NARF: variants seen among roughly 807,000 people sequenced by gnomAD.
The protein encoded by NARF is nuclear prelamin A recognition factor.
In NARF, 41 loss-of-function variants were observed where a neutral mutation model predicts 48.0. The ratio of observed to expected loss-of-function variants is 0.85; its 90% CI spans 0.66 to 1.11. NARF has a LOEUF of 1.11. NARF is among the 50% of genes least tolerant of loss of function. NARF has a pLI of 0.00. For missense variants in NARF, 613 were observed against 590.2 expected, an observed-to-expected ratio of 1.04 and a Z score of -0.40; for synonymous variants, 215 against 225.5, an observed-to-expected ratio of 0.95 and a Z score of 0.42.
chr17:82,467,204 G>A (rs1306472097), intron 3 of NARF, among the ~76,000 whole-genome samples: 1 of 151,634 alleles, frequency 6.6e-6, no homozygotes, highest in Non-Finnish European at 1.5e-5. Flanking sequence ...ACACCACCAT[G>A]TCTGGCTAGC....
intron 6 of NARF, 87 bp downstream of exon 6, chr17:82,479,005 C>A: frequency 7.7e-7 from 1 of 1,298,938 alleles, no homozygotes; most frequent in Non-Finnish European, 1.1e-6. Flanking sequence ...CCCCATCTGT[C>A]CAGCGTGGTC....
intron 8 of NARF, chr17:82,484,500 T>C: frequency 4.5e-6 from 1 of 222,404 alleles, no homozygotes; most frequent in Non-Finnish European, 8.9e-6. Context: ...GCCACTGCAC[T>C]CCAGCCTGAG....
intron 2 of NARF, among the ~76,000 whole-genome samples, chr17:82,461,713 G>A (rs2043444296): frequency 6.6e-6 from 1 of 152,230 alleles, no homozygotes; most frequent in Admixed American, 6.5e-5. Context: ...GAAGGGTGTT[G>A]GGAGAGGTTA....
chr17:82,484,968 C>T lies in NARF; in HGVS notation c.971+18C>T, dbSNP rs1414797611. 3.2e-6 allele frequency: 5 copies of T among 1,586,996 alleles called. No individual in the cohort carries two copies. The highest frequency in any genetic ancestry group is 3.4e-6 in the Non-Finnish European group (4 of 1,165,814). ...GCCCTGAGGTGTGGGGCAGTATCCA[C>T]AGCCTGTCTGTGCCTGTGGTTAGCA... is the stretch of plus-strand genomic sequence containing the variant. On this transcript the variant is annotated intron_variant, in intron 9 of 10. Coordinates refer to ENST00000309794, the MANE Select transcript of NARF (RefSeq NM_012336.4).
At chr17:82,479,461 C>T (rs560372536) in intron 6 of NARF, among the ~76,000 whole-genome samples, 4 of 152,330 alleles carry the variant, frequency 2.6e-5, no homozygotes, top group Non-Finnish European at 4.4e-5. Flanking sequence ...GAGGCTCCTG[C>T]GTGCCCCCTG....
intron 4 of NARF, among the ~76,000 whole-genome samples, chr17:82,471,674 C>T (rs559025927): frequency 1.4e-5 from 2 of 147,660 alleles, no homozygotes; most frequent in East Asian, 4.1e-4. Context: ...CGCCTGTAGT[C>T]CCAGCTACTC....
intron 6 of NARF, chr17:82,480,576 TG>T (rs1432773295): frequency 1.2e-5 from 5 of 406,716 alleles, no homozygotes; most frequent in African/African-American, 1.0e-4. Flanking sequence ...GAGCCAGATG[TG>T]GCTACAGCAC....
intron 5 of NARF, chr17:82,476,635 G>A (rs997406186): frequency 4.6e-5 from 7 of 151,922 alleles, no homozygotes; most frequent in African/African-American, 9.7e-5. Context: ...ATAGAGACAC[G>A]GTTTCACTTT....
intron 7 of NARF, among the ~76,000 whole-genome samples, chr17:82,481,623 G>C (rs147883404): frequency 2.0e-5 from 3 of 151,992 alleles, no homozygotes; most frequent in Non-Finnish European, 4.4e-5. Context: ...CCAGCTGCTC[G>C]GGAGGCTGAG....
chr17:82,461,441 A>G (rs1360315191), intron 2 of NARF, among the ~76,000 whole-genome samples: 3 of 152,090 alleles, frequency 2.0e-5, no homozygotes, highest in African/African-American at 7.2e-5. Flanking sequence ...GATAAACCCC[A>G]TCTCTACTAA....
chr17:82,482,154 C>T (rs182821775), intron 7 of NARF: 185 of 323,096 alleles, frequency 5.7e-4, no homozygotes, highest in Middle Eastern at 1.3e-3. Context: ...AAACAGGTCC[C>T]TGCAGGTATT....
At position 82,464,399 on chromosome 17, in the gene NARF, A is replaced by T. The variant is rs2043511526; in HGVS notation, c.221A>T (p.Lys74Met). The change falls in exon 3 of 11, where the codon AAG becomes ATG. Residue 74 changes from lysine (K) to methionine (M), a missense_variant. Coordinates refer to ENST00000309794, the MANE Select transcript of NARF (RefSeq NM_012336.4). Reference protein sequence around the residue: ...EGVQLSQQNAKDFFRVLNLNK... With the variant: ...EGVQLSQQNAMDFFRVLNLNK... ...GTCCAACTTTCCCAGCAAAATGCCA[A>T]GGACTTCTTCCGCGTTCTGAACCTT... 6.2e-7 allele frequency: 1 copy of T among 1,613,864 alleles called. No individual in the cohort carries two copies. Among genetic ancestry groups the T allele is most frequent in the Admixed American group, 1.7e-5 (1 of 59,958 alleles).
intron 2 of NARF, among the ~76,000 whole-genome samples, chr17:82,462,180 T>C (rs1032377074): frequency 2.6e-5 from 4 of 152,152 alleles, no homozygotes; most frequent in Admixed American, 6.5e-5. Context: ...AGGTCAGTGA[T>C]GGACACAGGG....
In NARF at chr17:82,464,396, C is replaced by T; in HGVS notation, c.218C>T (p.Ala73Val). 1.2e-6 allele frequency: 2 copies of T among 1,613,908 alleles called. No homozygotes were observed. Among genetic ancestry groups the T allele is most frequent in the Non-Finnish European group, 1.7e-6 (2 of 1,179,886 alleles). Residue 73 changes from alanine to valine, a missense_variant, in exon 3 of 11, where the codon GCC becomes GTC. Transcript: ENST00000309794. ...EEGVQLSQQN[A>V]KDFFRVLNLN... Reference sequence around the variant, plus strand: ...GGAGTCCAACTTTCCCAGCAAAATGCCAAGGACTTCTTCCGCGTTCTGAAC... The same window carrying T: ...GGAGTCCAACTTTCCCAGCAAAATGTCAAGGACTTCTTCCGCGTTCTGAAC...
Position 82,468,749 on chromosome 17 carries a change from T to C in NARF, c.253-15T>C. 2 of 1,612,950 alleles carry C rather than the reference T, an allele frequency of 1.2e-6. No homozygotes were observed. Among genetic ancestry groups the C allele is most frequent in the African/African-American group, 1.3e-5 (1 of 75,046 alleles). On this transcript the variant is annotated splice_polypyrimidine_tract_variant and intron_variant, in intron 3 of 10. Transcript: ENST00000309794. ...TAATCAGCAGATACCTAACATTCTC[T>C]ATTTCTCCTTCTAGAAATGTGATAC...
Position 82,464,492 on chromosome 17 carries a change from C to T in NARF, c.252+62C>T, listed in dbSNP as rs980943392. On this transcript the variant is annotated intron_variant, in intron 3 of 10. Coordinates refer to ENST00000309794, the MANE Select transcript of NARF (RefSeq NM_012336.4). ...TGACCTGGAGGAAGTGGAGGTGAGG[C>T]CTGGCTTCCTGCACAGAAGCCTCTG... is the stretch of plus-strand genomic sequence containing the variant. 50 of 1,548,694 alleles carry T rather than the reference C, an allele frequency of 3.2e-5. No homozygotes were observed. The South Asian group carries it at 4.2e-4, about 13-fold the overall frequency.
At chr17:82,459,712 A>G (rs1380694812) in intron 1 of NARF, among the ~76,000 whole-genome samples, 1 of 152,018 alleles carries the variant, frequency 6.6e-6, no homozygotes, top group African/African-American at 2.4e-5. Flanking sequence ...TCTACTAAAA[A>G]TATAAAATTA....
chr17:82,483,280 CTG>C, intron 7 of NARF: 1 of 369,830 alleles, frequency 2.7e-6, no homozygotes, highest in Non-Finnish European at 5.3e-6. Context: ...GATTGCACCA[CTG>C]GACTCCAGCC....
intron 2 of NARF, among the ~76,000 whole-genome samples, chr17:82,461,251 A>G (rs764239441): frequency 1.3e-5 from 2 of 151,842 alleles, no homozygotes; most frequent in African/African-American, 2.4e-5. Flanking sequence ...CTTGTTTTTA[A>G]ATTCTCCTTA....
Sources: gnomAD v4.1 joint callset for allele counts (sites outside exome capture counted in the v4.1 genomes callset) on GRCh38, gnomAD v4.1.1 for gene constraint, MANE v1.5 for transcripts, NCBI Gene and HGNC (gene_info 2026-07-23, HGNC 2026-07-21) for gene names.